The following CLASP1 variants were observed in gnomAD, a reference collection of about 807,000 sequenced individuals.
CLASP1 encodes cytoplasmic linker associated protein 1.
A neutral mutation model predicts 192.3 loss-of-function variants in CLASP1; 38 were observed. The observed-to-expected ratio is 0.20, with a 90% confidence interval of 0.15 to 0.26. The LOEUF (loss-of-function observed/expected upper bound fraction) is 0.26. CLASP1 is among the 10% of genes least tolerant of loss of function. The pLI is 1.00. For missense variants in CLASP1, 1,433 were observed against 1,932.5 expected, an observed-to-expected ratio of 0.74 and a Z score of 4.85; for synonymous variants, 691 against 712.8, an observed-to-expected ratio of 0.97 and a Z score of 0.49.
intron 1 of CLASP1, among the ~76,000 whole-genome samples, chr2:121,621,245 C>T (rs1249967604): frequency 6.6e-6 from 1 of 151,870 alleles, no homozygotes; most frequent in Non-Finnish European, 1.5e-5. Context: ...AAAAAAGAAA[C>T]CATTCTGTAA....
At chr2:121,634,607 A>C (rs944086721) in intron 1 of CLASP1, among the ~76,000 whole-genome samples, 1 of 152,184 alleles carries the variant, frequency 6.6e-6, no homozygotes, top group South Asian at 2.1e-4. Context: ...TCCTTTGGCC[A>C]CTTCAGAAAT....
chr2:121,444,806 G>C, intron 19 of CLASP1: 2 of 472,830 alleles, frequency 4.2e-6, no homozygotes, highest in Admixed American at 3.0e-5. Flanking sequence ...AATGAAAAGA[G>C]AGGAGGAGAA....
At chr2:121,588,359 A>AG (rs1331695322) in intron 2 of CLASP1, among the ~76,000 whole-genome samples, 3 of 152,316 alleles carry the variant, frequency 2.0e-5, no homozygotes, top group Non-Finnish European at 4.4e-5. Context: ...ACATTTATAC[A>AG]GAAAAAATGG....
At chr2:121,505,952 C>A (rs2093933926) in intron 7 of CLASP1, among the ~76,000 whole-genome samples, 1 of 151,976 alleles carries the variant, frequency 6.6e-6, no homozygotes, top group Non-Finnish European at 1.5e-5. Flanking sequence ...GAGCTTCTAG[C>A]ATGAAAAAGA....
In CLASP1 at chr2:121,378,154, C is replaced by T. The variant is rs2070718157; in HGVS notation, c.3492-505G>A. ...TCCAATCCAGAAAACAAATAAAACC[C>T]TATTAAAACAAAACAAAACAAAAAA... On this transcript the variant is annotated intron_variant, in intron 33 of 39. Coordinates refer to ENST00000263710, the Ensembl canonical transcript of CLASP1. 5.9e-5 allele frequency among the ~76,000 whole-genome samples: 9 copies of T among 152,056 alleles called. No individual in the cohort carries two copies. In the South Asian group the frequency reaches 1.9e-3, roughly 32 times the overall value.
intron 8 of CLASP1, among the ~76,000 whole-genome samples, chr2:121,471,229 C>T (rs1158088079): frequency 6.6e-6 from 1 of 152,152 alleles, no homozygotes; most frequent in Admixed American, 6.5e-5. Context: ...CTGCAGTGAG[C>T]CAGGGTCACT....
At chr2:121,402,550 C>T (rs1247164617) in intron 26 of CLASP1, 1 of 513,188 alleles carries the variant, frequency 1.9e-6, no homozygotes, top group Admixed American at 2.0e-5. Context: ...GCTTCACTTA[C>T]AGGCAGCTAA....
intron 8 of CLASP1, among the ~76,000 whole-genome samples, chr2:121,494,989 T>C (rs1034526376): frequency 3.3e-5 from 5 of 151,888 alleles, no homozygotes; most frequent in Non-Finnish European, 7.4e-5. Context: ...ACCACTGCAC[T>C]CCAGCCTGGG....
In CLASP1 at chr2:121,375,071, C is replaced by A. The variant is rs191176205; in HGVS notation, c.3642+2428G>T. ...GTCCCCACCCAAATCTCATGTCAAA[C>A]TGTAATTCCCAATGTCGGGGGAGGA... On this transcript the variant is annotated intron_variant, in intron 34 of 39. Transcript: ENST00000263710. Among the ~76,000 whole-genome samples the A allele has an allele frequency of 5.9e-5, 9 of 152,244 alleles. No homozygotes were observed. In the East Asian group the frequency reaches 1.7e-3, roughly 29 times the overall value.
chr2:121,481,494 C>A (rs1436393694), intron 8 of CLASP1, among the ~76,000 whole-genome samples: 1 of 152,102 alleles, frequency 6.6e-6, no homozygotes, highest in African/African-American at 2.4e-5. Context: ...CTCAGGGTCA[C>A]AGGAAAGAAA....
chr2:121,589,054 A>C (rs2105717173), intron 2 of CLASP1, among the ~76,000 whole-genome samples: 1 of 152,250 alleles, frequency 6.6e-6, no homozygotes, highest in East Asian at 1.9e-4. Context: ...AACAGCATGA[A>C]CACAACACTG....
At chr2:121,559,197 C>A (rs1389852059) in intron 2 of CLASP1, among the ~76,000 whole-genome samples, 2 of 152,118 alleles carry the variant, frequency 1.3e-5, no homozygotes, top group Non-Finnish European at 2.9e-5. Context: ...CAGACCATGA[C>A]AATTTTTGGT....
At chr2:121,394,917 T>C (rs1299114052) in intron 30 of CLASP1, among the ~76,000 whole-genome samples, 2 of 152,210 alleles carry the variant, frequency 1.3e-5, no homozygotes, top group East Asian at 1.9e-4. Flanking sequence ...TTTTAGTTTG[T>C]TGGGCTACTC....
At chr2:121,479,136 G>A (rs2092378528) in intron 8 of CLASP1, among the ~76,000 whole-genome samples, 1 of 142,820 alleles carries the variant, frequency 7.0e-6, no homozygotes, top group Non-Finnish European at 1.5e-5. Context: ...AAGGGAAGAT[G>A]TTTACTCTCA....
chr2:121,531,354 G>A (rs1265106675), intron 2 of CLASP1, among the ~76,000 whole-genome samples: 1 of 152,170 alleles, frequency 6.6e-6, no homozygotes, highest in African/African-American at 2.4e-5. Flanking sequence ...CCAGCACTTT[G>A]GGAGGCCGAG....
chr2:121,471,073 AG>A lies in CLASP1; in HGVS notation c.713-1114del, dbSNP rs562989168. Among the ~76,000 whole-genome samples, 314 of 152,338 alleles carry A rather than the reference AG, an allele frequency of 2.1e-3. 1 individual carries two copies. Among genetic ancestry groups the A allele is most frequent in the African/African-American group, 7.1e-3 (295 of 41,584 alleles). ...CAAAATGGGAGGACTGCTTGAGGCC[AG>A]GAGTTCAAGACCAGCCTGGGCAACA... On this transcript the variant is annotated intron_variant, in intron 8 of 39. Transcript: ENST00000263710.
chr2:121,357,968 C>T (rs1361238473), intron 37 of CLASP1, among the ~76,000 whole-genome samples: 1 of 152,206 alleles, frequency 6.6e-6, no homozygotes, highest in Non-Finnish European at 1.5e-5. Flanking sequence ...CTAGCCCACT[C>T]CTAAACTCCT....
At chr2:121,630,420 AC>A (rs1229472869) in intron 1 of CLASP1, among the ~76,000 whole-genome samples, 13 of 150,200 alleles carry the variant, frequency 8.7e-5, no homozygotes, top group Non-Finnish European at 1.6e-4. Flanking sequence ...ACACACACAC[AC>A]ACACGCAGAA....
At chr2:121,575,616 A>C (rs775000120) in intron 2 of CLASP1, among the ~76,000 whole-genome samples, 86 of 152,280 alleles carry the variant, frequency 5.6e-4, no homozygotes, top group Middle Eastern at 3.4e-3. Context: ...CATCGTACAA[A>C]CCAGGAAGCA....
Sources: allele counts gnomAD v4.1 joint callset (sites outside exome capture counted in the v4.1 genomes callset), GRCh38; gene constraint gnomAD v4.1.1; transcripts MANE v1.5; gene names NCBI Gene and HGNC (gene_info 2026-07-23, HGNC 2026-07-21).